The following FGF14 variants were observed in gnomAD, a reference collection of about 807,000 sequenced individuals.
FGF14 encodes the protein fibroblast growth factor homologous factor 4.
A neutral mutation model predicts 25.5 loss-of-function variants in FGF14; 5 were observed. The observed-to-expected ratio is 0.20, with a 90% CI of 0.10 to 0.41. The LOEUF (loss-of-function observed/expected upper bound fraction) is 0.41. Ranked by LOEUF, FGF14 falls within the 10% of genes least tolerant of loss-of-function variation. The pLI is 1.00. For missense variants in FGF14, 222 were observed against 320.1 expected (o/e 0.69, Z 2.34); for synonymous variants, 138 against 118.3 (o/e 1.17, Z -1.08).
Position 101,932,490 on chromosome 13 carries a change from G to T in FGF14, c.209-57194C>A, listed in dbSNP as rs145986672. On this transcript the variant is annotated intron_variant, in intron 1 of 4. Coordinates refer to the FGF14 transcript ENST00000376131. ...GGAGGTTGCAGTGAGCCAAGATCACGCCATTGCACTCCAGCCTGGGTGACA... is the reference window on the plus strand; with the variant it reads ...GGAGGTTGCAGTGAGCCAAGATCACTCCATTGCACTCCAGCCTGGGTGACA... 1.6e-3 allele frequency among the ~76,000 whole-genome samples: 222 copies of T among 136,742 alleles called. 1 individual carries two copies. Among genetic ancestry groups the T allele is most frequent in the African/African-American group, 6.5e-3 (216 of 33,292 alleles). The allele number at this position is 136,742 out of a possible 152,430, so 89.7% of individuals were successfully genotyped here.
intron 3 of FGF14, among the ~76,000 whole-genome samples, chr13:101,837,094 A>G (rs536605221): frequency 5.9e-5 from 9 of 152,176 alleles, no homozygotes; most frequent in African/African-American, 2.2e-4. Context: ...CGTGTTCATT[A>G]TCTAATGAAA....
At chr13:102,129,675 C>G (rs752683643) in intron 1 of FGF14, among the ~76,000 whole-genome samples, 2 of 151,002 alleles carry the variant, frequency 1.3e-5, no homozygotes, top group Non-Finnish European at 2.9e-5. Context: ...CATCACACAC[C>G]GGGGCCTATT....
intron 1 of FGF14, among the ~76,000 whole-genome samples, chr13:102,147,845 C>T (rs1466584523): frequency 6.6e-6 from 1 of 152,060 alleles, no homozygotes; most frequent in African/African-American, 2.4e-5. Context: ...AAAAATGGTT[C>T]TTTTGTTTAA....
chr13:101,868,552 A>G (rs999136974), intron 3 of FGF14, 173 bp downstream of exon 3: 2 of 640,604 alleles, frequency 3.1e-6, no homozygotes, highest in African/African-American at 1.8e-5. Flanking sequence ...AGATAAACTC[A>G]TATTACTAAA....
chr13:102,321,960 T>A (rs2056259929), intron 1 of FGF14, among the ~76,000 whole-genome samples: 1 of 152,128 alleles, frequency 6.6e-6, no homozygotes, highest in Non-Finnish European at 1.5e-5. Context: ...CTAAGTCAGA[T>A]CCAAGCCAGA....
chr13:101,749,016 A>G (rs1329357150), intron 3 of FGF14, among the ~76,000 whole-genome samples: 1 of 152,116 alleles, frequency 6.6e-6, no homozygotes, highest in African/African-American at 2.4e-5. Flanking sequence ...TGTTACATGA[A>G]TGAACCTTGA....
At chr13:102,041,210 GA>G (rs1010133733) in intron 1 of FGF14, among the ~76,000 whole-genome samples, 1 of 151,840 alleles carries the variant, frequency 6.6e-6, no homozygotes, top group Non-Finnish European at 1.5e-5. Context: ...AAAAGAGCAA[GA>G]AAAATATAAT....
chr13:101,902,435 T>C (rs939860759), intron 1 of FGF14, among the ~76,000 whole-genome samples: 4 of 152,196 alleles, frequency 2.6e-5, no homozygotes, highest in Admixed American at 6.5e-5. Flanking sequence ...GTGTGTTATA[T>C]AGTTTCTTAA....
At chr13:102,187,291 T>C (rs1327017583) in intron 1 of FGF14, among the ~76,000 whole-genome samples, 5 of 152,300 alleles carry the variant, frequency 3.3e-5, no homozygotes, top group Admixed American at 2.6e-4. Flanking sequence ...ATTACAAAAT[T>C]GATTATTTTC....
At chr13:101,988,872 T>C (rs1407609184) in intron 1 of FGF14, among the ~76,000 whole-genome samples, 1 of 151,928 alleles carries the variant, frequency 6.6e-6, no homozygotes, top group Non-Finnish European at 1.5e-5. Flanking sequence ...AAAAATAAAA[T>C]ATATGTTTTG....
chr13:102,130,456 A>G (rs1422269664), intron 1 of FGF14, among the ~76,000 whole-genome samples: 1 of 152,110 alleles, frequency 6.6e-6, no homozygotes, highest in Non-Finnish European at 1.5e-5. Flanking sequence ...TCCCTTCTCC[A>G]ATTTTAAAGA....
chr13:102,134,579 T>C (rs1364440510), intron 1 of FGF14, among the ~76,000 whole-genome samples: 2 of 152,156 alleles, frequency 1.3e-5, no homozygotes, highest in Non-Finnish European at 2.9e-5. Flanking sequence ...GGTGTAGAAA[T>C]TGTGAGAACA....
At chr13:102,281,123 A>G (rs2053812707) in intron 1 of FGF14, among the ~76,000 whole-genome samples, 1 of 152,220 alleles carries the variant, frequency 6.6e-6, no homozygotes, top group Non-Finnish European at 1.5e-5. Context: ...GGCCAAACAT[A>G]AAATAATTTT....
rs957261133 is a variant in FGF14, at chr13:102,314,940, CATATT to C, written c.208+86526_208+86530del. Among the ~76,000 whole-genome samples the C allele has an allele frequency of 1.6e-3, 241 of 148,606 alleles. 2 individuals carry two copies. The highest frequency in any genetic ancestry group is 5.5e-3 in the African/African-American group (224 of 40,864). On this transcript the variant is annotated intron_variant, in intron 1 of 4. Transcript: ENST00000376131. ...TACATAATAAATGTACAAAATTATA[CATATT>C]ATATTAATATATTATATAACATATA...
At chr13:102,034,634 C>CA (rs940456721) in intron 1 of FGF14, among the ~76,000 whole-genome samples, 36 of 152,016 alleles carry the variant, frequency 2.4e-4, no homozygotes, top group African/African-American at 8.2e-4. Context: ...AAAATCAATG[C>CA]AAAAATATCC....
intron 1 of FGF14, among the ~76,000 whole-genome samples, chr13:102,236,618 TG>T (rs2051338088): frequency 1.3e-5 from 2 of 152,162 alleles, no homozygotes; most frequent in African/African-American, 4.8e-5. Context: ...GGCTAGTGCC[TG>T]GTTTCCCTCC....
chr13:102,154,994 A>T (rs2047261591), intron 1 of FGF14, among the ~76,000 whole-genome samples: 1 of 152,226 alleles, frequency 6.6e-6, no homozygotes, highest in South Asian at 2.1e-4. Context: ...CAAATACAGG[A>T]GCATACAGAT....
rs763594906 is a variant in FGF14, at chr13:101,714,879, A to G, written c.*7952T>C. The G allele has an allele frequency of 1.0e-5, 3 of 296,458 alleles. No individual in the cohort carries two copies. Among genetic ancestry groups the G allele is most frequent in the Non-Finnish European group, 1.9e-5 (3 of 158,388 alleles). The allele number at this position is 296,458 out of a possible 1,614,324, so 18.4% of individuals were successfully genotyped here. A position where few individuals can be genotyped will look rare whatever the true frequency, so the allele number is the denominator to read the frequency against. ...TTTGTTGGCAACCATTTTACTTTGA[A>G]CATGGTATAGGGAATGAAATATTCT... On this transcript the variant is annotated 3_prime_UTR_variant, in exon 5 of 5. Transcript: ENST00000376143.
chr13:102,203,512 G>A (rs981483238), intron 1 of FGF14, among the ~76,000 whole-genome samples: 4 of 152,092 alleles, frequency 2.6e-5, no homozygotes, highest in African/African-American at 9.7e-5. Context: ...ATGCATCTAT[G>A]ACCTCTTTGA....
Sources: allele counts gnomAD v4.1 joint callset (sites outside exome capture counted in the v4.1 genomes callset), GRCh38; gene constraint gnomAD v4.1.1; transcripts MANE v1.5; gene names NCBI Gene and HGNC (gene_info 2026-07-23, HGNC 2026-07-21).